Variants in SUMF1 observed in about 807,000 individuals in gnomAD.
SUMF1 encodes the protein formylglycine-generating enzyme.
A neutral mutation model predicts 47.6 loss-of-function variants in SUMF1; 48 were observed. The ratio of observed to expected loss-of-function variants is 1.01; its 90% confidence interval spans 0.80 to 1.28. The LOEUF (loss-of-function observed/expected upper bound fraction) is 1.28, where lower values mean the gene tolerates loss of function less well. Ranked by LOEUF, SUMF1 falls within the 50% of genes most tolerant of loss-of-function variation. SUMF1 has a pLI of 0.00. For synonymous variants in SUMF1, 230 were observed against 192.1 expected (o/e 1.20, Z -1.63); for missense variants, 571 against 485.4 (o/e 1.18, Z -1.66).
intron 8 of SUMF1, among the ~76,000 whole-genome samples, chr3:4,144,555 A>G (rs1694150743): frequency 6.6e-6 from 1 of 152,130 alleles, no homozygotes; most frequent in Non-Finnish European, 1.5e-5. Context: ...TACATGCCTT[A>G]TTATTAGGAA....
chr3:4,402,431 T>C (rs1013715801), intron 7 of SUMF1, among the ~76,000 whole-genome samples: 1 of 152,192 alleles, frequency 6.6e-6, no homozygotes, highest in Non-Finnish European at 1.5e-5. Flanking sequence ...ATTCATCTGA[T>C]TGGCACTCAA....
chr3:4,274,095 C>T (rs1697366142), intron 8 of SUMF1, among the ~76,000 whole-genome samples: 2 of 151,916 alleles, frequency 1.3e-5, no homozygotes, highest in South Asian at 2.1e-4. Flanking sequence ...TAGGAGACTG[C>T]CCAGTCATAC....
In SUMF1 at chr3:4,467,266, A is replaced by C. The variant is rs758662936; in HGVS notation, c.-21T>G. ...GCCATGTTGTCCCGCGGGCCATGTG[A>C]CCCGGTTGGTCACGTGGCTGAGCCC... On this transcript the variant is annotated 5_prime_UTR_variant, in exon 1 of 9. Transcript: ENST00000272902. 1.2e-6 allele frequency: 2 copies of C among 1,602,424 alleles called. No homozygotes were observed. Among genetic ancestry groups the C allele is most frequent in the Non-Finnish European group, 1.7e-6 (2 of 1,175,276 alleles).
rs553753948 is a variant in SUMF1, at chr3:4,166,643, G to T, written c.1015-97898C>A. Among the ~76,000 whole-genome samples, 15 of 152,258 alleles carry T rather than the reference G, an allele frequency of 9.9e-5. No homozygotes were observed. The East Asian group carries it at 2.9e-3, about 29-fold the overall frequency. ...AGAGAAGAGAGGCAGAAGGAAGTTTGTCTGACAGGCATTAGGACCCAGGAG... is the reference window on the plus strand; with the variant it reads ...AGAGAAGAGAGGCAGAAGGAAGTTTTTCTGACAGGCATTAGGACCCAGGAG... On this transcript the variant is annotated intron_variant and NMD_transcript_variant, in intron 8 of 12. Coordinates refer to the SUMF1 transcript ENST00000448413.
chr3:4,308,830 A>T (rs181950810), intron 8 of SUMF1, among the ~76,000 whole-genome samples: 1 of 151,252 alleles, frequency 6.6e-6, no homozygotes, highest in East Asian at 1.9e-4. Flanking sequence ...TGACTTGTCT[A>T]TGAAAAGAGT....
intron 7 of SUMF1, among the ~76,000 whole-genome samples, chr3:4,378,235 C>G (rs768760932): frequency 6.6e-5 from 10 of 152,180 alleles, no homozygotes; most frequent in Non-Finnish European, 1.2e-4. Context: ...CATCTAAGAA[C>G]ACAAAGCCTA....
At chr3:4,317,459 G>A in intron 8 of SUMF1, 1 of 491,502 alleles carries the variant, frequency 2.0e-6, no homozygotes, top group East Asian at 3.6e-5. Context: ...CAGGCGGGCA[G>A]ATCACTTGAG....
At chr3:4,426,780 T>C (rs1426242384) in intron 3 of SUMF1, among the ~76,000 whole-genome samples, 1 of 152,228 alleles carries the variant, frequency 6.6e-6, no homozygotes, top group Non-Finnish European at 1.5e-5. Context: ...ACACATTCTC[T>C]GCTCAACTGA....
At chr3:4,408,771 G>A (rs1274241726) in intron 7 of SUMF1, among the ~76,000 whole-genome samples, 2 of 152,134 alleles carry the variant, frequency 1.3e-5, no homozygotes, top group East Asian at 3.9e-4. Context: ...AGGTGTTTGA[G>A]ACCAGTCTGG....
At chr3:4,277,576 A>G (rs1697445021) in intron 8 of SUMF1, among the ~76,000 whole-genome samples, 1 of 152,140 alleles carries the variant, frequency 6.6e-6, no homozygotes, top group Non-Finnish European at 1.5e-5. Context: ...GTGAGGGAAA[A>G]TAGACACAGT....
chr3:4,130,847 G>C (rs1156790455), intron 8 of SUMF1, among the ~76,000 whole-genome samples: 1 of 152,106 alleles, frequency 6.6e-6, no homozygotes, highest in East Asian at 1.9e-4. Context: ...TCCAGAACAA[G>C]AGAAGGCTCT....
intron 8 of SUMF1, chr3:4,313,906 C>A: frequency 7.2e-7 from 1 of 1,392,854 alleles, no homozygotes; most frequent in South Asian, 1.4e-5. Context: ...TTTCCCCTTT[C>A]TGTAATAGAA....
At chr3:4,196,405 C>G (rs1695430831) in intron 8 of SUMF1, among the ~76,000 whole-genome samples, 2 of 152,080 alleles carry the variant, frequency 1.3e-5, no homozygotes, top group Admixed American at 1.3e-4. Flanking sequence ...AAGCTTTCCT[C>G]CCTATACCAG....
chr3:4,200,717 C>G (rs1695522546), intron 8 of SUMF1, among the ~76,000 whole-genome samples: 1 of 152,042 alleles, frequency 6.6e-6, no homozygotes, highest in African/African-American at 2.4e-5. Context: ...CTCTTATGTA[C>G]CTATCTATCT....
At chr3:4,384,440 C>T (rs1275391052) in intron 7 of SUMF1, among the ~76,000 whole-genome samples, 1 of 152,184 alleles carries the variant, frequency 6.6e-6, no homozygotes, top group African/African-American at 2.4e-5. Flanking sequence ...ACAAGGATCC[C>T]TTACGTTGCC....
intron 8 of SUMF1, among the ~76,000 whole-genome samples, chr3:4,362,906 C>T (rs550617136): frequency 5.9e-5 from 9 of 151,494 alleles, no homozygotes; most frequent in South Asian, 4.2e-4. Flanking sequence ...AGAGCAAGAT[C>T]TTGTGTCCAA....
chr3:4,103,704 G>C (rs1454134841), intron 8 of SUMF1, among the ~76,000 whole-genome samples: 1 of 152,086 alleles, frequency 6.6e-6, no homozygotes, highest in Non-Finnish European at 1.5e-5. Context: ...ATCAGGTCCT[G>C]TGCTAGGAAC....
chr3:4,362,308 T>A (rs569023044), intron 8 of SUMF1, 54 bp from the exon 9 acceptor site: 124 of 1,479,034 alleles, frequency 8.4e-5, no homozygotes, highest in Non-Finnish European at 4.7e-6. Context: ...AGCTGAAGGC[T>A]CTAACCCATC....
chr3:4,327,811 T>C (rs1351962881), intron 8 of SUMF1, among the ~76,000 whole-genome samples: 1 of 152,200 alleles, frequency 6.6e-6, no homozygotes, highest in Non-Finnish European at 1.5e-5. Flanking sequence ...ATTTTGATTT[T>C]GGAAAATGTG....
Sources: gnomAD v4.1 joint callset for allele counts (sites outside exome capture counted in the v4.1 genomes callset) on GRCh38, gnomAD v4.1.1 for gene constraint, MANE v1.5 for transcripts, NCBI Gene and HGNC (gene_info 2026-07-23, HGNC 2026-07-21) for gene names.